Variants in SGPP1 observed in about 807,000 individuals in gnomAD.
SGPP1 encodes the protein sphingosine-1-phosphate phosphatase 1, also known as hSPP1.
In SGPP1, 21 loss-of-function variants were observed where a neutral mutation model predicts 33.0. The observed-to-expected ratio is 0.64, with a 90% CI of 0.45 to 0.92. The LOEUF is 0.92. Among genes scored for constraint, SGPP1 ranks in the 40% least tolerant of loss-of-function variants. SGPP1 has a pLI of 0.00. For synonymous variants in SGPP1, 239 were observed against 241.2 expected, an observed-to-expected ratio of 0.99 and a Z score of 0.08; for missense variants, 543 against 589.4, an observed-to-expected ratio of 0.92 and a Z score of 0.81.
chr14:63,708,470 G>A (rs990080824), intron 1 of SGPP1, among the ~76,000 whole-genome samples: 60 of 150,854 alleles, frequency 4.0e-4, no homozygotes, highest in Non-Finnish European at 8.3e-4. Context: ...TGCCATATTG[G>A]CCAGGCTTGT....
chr14:63,720,198 CAGG>C (rs1885741745), intron 1 of SGPP1, among the ~76,000 whole-genome samples: 1 of 149,796 alleles, frequency 6.7e-6, no homozygotes, highest in South Asian at 2.1e-4. Context: ...TAAGCTGAGG[CAGG>C]AGGATCATTT....
chr14:63,724,805 T>C (rs1183145166), intron 1 of SGPP1, among the ~76,000 whole-genome samples: 2 of 150,288 alleles, frequency 1.3e-5, no homozygotes, highest in Non-Finnish European at 3.0e-5. Context: ...AATCTCCTGA[T>C]TGAGATCAGG....
At chr14:63,717,627 T>C (rs1415532789) in intron 1 of SGPP1, among the ~76,000 whole-genome samples, 4 of 152,020 alleles carry the variant, frequency 2.6e-5, no homozygotes, top group Non-Finnish European at 4.4e-5. Context: ...CGTACTGAAA[T>C]TGGAATTTCC....
At chr14:63,706,603 C>T (rs1885412701) in intron 1 of SGPP1, among the ~76,000 whole-genome samples, 1 of 152,118 alleles carries the variant, frequency 6.6e-6, no homozygotes, top group South Asian at 2.1e-4. Flanking sequence ...ACAAAGTAAA[C>T]ATAAGCCTTC....
At chr14:63,711,542 CTGA>C (rs1456123568) in intron 1 of SGPP1, among the ~76,000 whole-genome samples, 1 of 152,168 alleles carries the variant, frequency 6.6e-6, no homozygotes, top group African/African-American at 2.4e-5. Flanking sequence ...TAGCTCAAGT[CTGA>C]AACCATTCTG....
In SGPP1 at chr14:63,727,599, C is replaced by T. The variant is rs756586151; in HGVS notation, c.346G>A (p.Glu116Lys). ...GALRRNSLTG[E>K]EGQLARVSNW... The stretch of plus-strand genomic sequence containing the variant: ...CTCACGCGGGCCAGCTGGCCCTCCT[C>T]GCCCGTCAGCGAGTTGCGGCGCAGA... The change falls in exon 1 of 3, where the codon GAG (glutamate) becomes AAG (lysine). Residue 116 changes from glutamate to lysine, a missense_variant. Physicochemically the swap from Glu to Lys is moderately conservative, Grantham distance 56. Transcript: ENST00000247225. The T allele has an allele frequency of 1.3e-6, 2 of 1,545,724 alleles. No individual in the cohort carries two copies.
chr14:63,689,586 C>T (rs1885053077), intron 2 of SGPP1, among the ~76,000 whole-genome samples: 1 of 152,004 alleles, frequency 6.6e-6, no homozygotes, highest in Non-Finnish European at 1.5e-5. Flanking sequence ...CACCTGAGGT[C>T]AGGAGTTCGA....
chr14:63,718,531 C>T (rs569502470), intron 1 of SGPP1, among the ~76,000 whole-genome samples: 124 of 151,798 alleles, frequency 8.2e-4, no homozygotes, highest in South Asian at 2.9e-3. Context: ...AAAATAATAA[C>T]GATGAATTGT....
chr14:63,717,450 T>C (rs1885658405), intron 1 of SGPP1, among the ~76,000 whole-genome samples: 1 of 151,586 alleles, frequency 6.6e-6, no homozygotes, highest in Non-Finnish European at 1.5e-5. Flanking sequence ...ACCTCCCGAG[T>C]AGCTGGGACT....
intron 2 of SGPP1, among the ~76,000 whole-genome samples, chr14:63,689,789 T>A (rs1885056338): frequency 6.7e-6 from 1 of 148,882 alleles, no homozygotes; most frequent in Non-Finnish European, 1.5e-5. Flanking sequence ...AGAGCAAGAC[T>A]CTGTCTCAAA....
At chr14:63,724,616 TA>T (rs34386504) in intron 1 of SGPP1, among the ~76,000 whole-genome samples, 1,484 of 84,998 alleles carry the variant, frequency 0.017, 9 homozygotes, top group African/African-American at 0.036. Flanking sequence ...CAAGGATCTT[TA>T]AAAAAAAAAA....
At chr14:63,695,410 TATGACA>T (rs1284080780) in intron 2 of SGPP1, among the ~76,000 whole-genome samples, 8 of 152,224 alleles carry the variant, frequency 5.3e-5, no homozygotes, top group Admixed American at 5.2e-4. Context: ...CCAGTTTAAA[TATGACA>T]ATGACAACAG....
chr14:63,726,667 G>T (rs954156495), intron 1 of SGPP1, among the ~76,000 whole-genome samples: 1 of 152,156 alleles, frequency 6.6e-6, no homozygotes, highest in Non-Finnish European at 1.5e-5. Flanking sequence ...AACTTTATCA[G>T]CAAAGTAGCA....
At chr14:63,720,122 C>A (rs1308942503) in intron 1 of SGPP1, among the ~76,000 whole-genome samples, 1 of 125,282 alleles carries the variant, frequency 8.0e-6, no homozygotes, top group East Asian at 2.3e-4. Flanking sequence ...GAGCCTGCAT[C>A]TCACAAAAAA....
chr14:63,724,621 A>G, intron 1 of SGPP1, among the ~76,000 whole-genome samples: 1 of 147,086 alleles, frequency 6.8e-6, no homozygotes, highest in Non-Finnish European at 1.5e-5. Flanking sequence ...ATCTTTAAAA[A>G]AAAAAAAAAA....
Position 63,711,986 on chromosome 14 carries a change from C to T in SGPP1, c.685-13328G>A, listed in dbSNP as rs141827265. On this transcript the variant is annotated intron_variant, in intron 1 of 2. Transcript: ENST00000247225. ...CGGAGGTTGCAGCGAGCCAAGATCG[C>T]ACCACTGCACTCCAGCCTGGGCAAC... is the stretch of plus-strand genomic sequence containing the variant. 2.7e-4 allele frequency among the ~76,000 whole-genome samples: 40 copies of T among 147,280 alleles called. No homozygotes were observed. The East Asian group carries it at 7.8e-3, about 29-fold the overall frequency.
At chr14:63,696,145 G>T (rs1256117462) in intron 2 of SGPP1, among the ~76,000 whole-genome samples, 5 of 151,948 alleles carry the variant, frequency 3.3e-5, no homozygotes, top group African/African-American at 1.2e-4. Flanking sequence ...AAAATTATCA[G>T]GGCATGGTGG....
At chr14:63,708,249 T>TC in intron 1 of SGPP1, among the ~76,000 whole-genome samples, 1 of 138,360 alleles carries the variant, frequency 7.2e-6, no homozygotes, top group Non-Finnish European at 1.6e-5. Flanking sequence ...ATAGCAGCAA[T>TC]CCTTTTTTTT....
At chr14:63,705,076 G>A (rs1418098364) in intron 1 of SGPP1, among the ~76,000 whole-genome samples, 1 of 151,664 alleles carries the variant, frequency 6.6e-6, no homozygotes, top group African/African-American at 2.4e-5. Flanking sequence ...GCAGTGAGCC[G>A]AGATCGTGCC....
Sources: allele counts gnomAD v4.1 joint callset (sites outside exome capture counted in the v4.1 genomes callset), GRCh38; gene constraint gnomAD v4.1.1; transcripts MANE v1.5; gene names NCBI Gene and HGNC (gene_info 2026-07-23, HGNC 2026-07-21).